ELOVL6: variants seen among roughly 807,000 people sequenced by gnomAD.
The protein encoded by ELOVL6 is ELOVL fatty acid elongase 6.
ELOVL6 carries 8 observed loss-of-function variants against 31.7 expected under a neutral mutation model. The observed-to-expected ratio is 0.25, with a 90% CI of 0.15 to 0.45. The LOEUF is 0.45. ELOVL6 is among the 20% of genes least tolerant of loss of function. ELOVL6 has a pLI of 1.00. For synonymous variants in ELOVL6, 101 were observed against 117.7 expected (o/e 0.86, Z 0.92); for missense variants, 126 against 326.4 (o/e 0.39, Z 4.73).
At chr4:110,078,553 A>G (rs1376746806) in intron 2 of ELOVL6, among the ~76,000 whole-genome samples, 3 of 152,228 alleles carry the variant, frequency 2.0e-5, no homozygotes, top group Admixed American at 6.5e-5. Context: ...AGATTTTGTC[A>G]CCATCAGGCC....
chr4:110,105,873 T>C (rs758862303), intron 1 of ELOVL6, among the ~76,000 whole-genome samples: 3 of 152,246 alleles, frequency 2.0e-5, no homozygotes, highest in Admixed American at 6.5e-5. Context: ...ATTTCCTTTG[T>C]AGGCTCTAGG....
intron 1 of ELOVL6, among the ~76,000 whole-genome samples, chr4:110,162,442 G>A (rs949903019): frequency 1.1e-4 from 16 of 152,142 alleles, no homozygotes; most frequent in African/African-American, 3.9e-4. Context: ...AGCTCTTCAG[G>A]CTCAGGTGAT....
intron 2 of ELOVL6, among the ~76,000 whole-genome samples, chr4:110,083,815 C>A (rs979087739): frequency 6.7e-6 from 1 of 149,676 alleles, no homozygotes; most frequent in Non-Finnish European, 1.5e-5. Flanking sequence ...GAGAAGCAGA[C>A]AAACATAGGA....
intron 2 of ELOVL6, among the ~76,000 whole-genome samples, chr4:110,071,891 T>A (rs1755494432): frequency 6.6e-6 from 1 of 152,200 alleles, no homozygotes; most frequent in Non-Finnish European, 1.5e-5. Context: ...TTCAGGAGGA[T>A]TTTCCAAAAG....
intron 1 of ELOVL6, among the ~76,000 whole-genome samples, chr4:110,192,323 C>T (rs368858771): frequency 5.3e-5 from 8 of 152,038 alleles, no homozygotes; most frequent in Admixed American, 2.0e-4. Flanking sequence ...TACAAATGCA[C>T]GCAGAAGGTT....
At chr4:110,143,989 G>T (rs574888238) in intron 1 of ELOVL6, among the ~76,000 whole-genome samples, 3 of 147,864 alleles carry the variant, frequency 2.0e-5, no homozygotes, top group Admixed American at 1.4e-4. Flanking sequence ...GGGAGGCGAA[G>T]GTTGTGGTGA....
At chr4:110,161,047 G>T (rs1758616281) in intron 1 of ELOVL6, among the ~76,000 whole-genome samples, 1 of 152,142 alleles carries the variant, frequency 6.6e-6, no homozygotes, top group Non-Finnish European at 1.5e-5. Flanking sequence ...CTCTTGTAAT[G>T]GTGGTAGAGA....
chr4:110,158,647 ATATATATATATT>A (rs1392071721), intron 1 of ELOVL6, among the ~76,000 whole-genome samples: 1 of 94,982 alleles, frequency 1.1e-5, no homozygotes, highest in African/African-American at 5.9e-5. Context: ...ATATATATAT[ATATATATATATT>A]TTTTTTTTTT....
At chr4:110,055,797 C>T (rs1459482983) in intron 3 of ELOVL6, among the ~76,000 whole-genome samples, 1 of 152,190 alleles carries the variant, frequency 6.6e-6, no homozygotes, top group East Asian at 1.9e-4. Flanking sequence ...AACAAAATCT[C>T]AGCGGGTTTT....
At chr4:110,084,526 A>G (rs1482046091) in intron 2 of ELOVL6, among the ~76,000 whole-genome samples, 2 of 99,642 alleles carry the variant, frequency 2.0e-5, no homozygotes, top group East Asian at 7.2e-4. Context: ...TACATTATAT[A>G]CACTTACACA....
intron 1 of ELOVL6, 147 bp downstream of exon 1, chr4:110,198,100 A>T (rs1321350777): frequency 1.7e-5 from 6 of 350,456 alleles, no homozygotes; most frequent in South Asian, 4.4e-5. Context: ...CGTCTCCTGC[A>T]CCCGGGAGAC....
intron 1 of ELOVL6, among the ~76,000 whole-genome samples, chr4:110,137,205 C>A (rs1025836679): frequency 3.3e-5 from 5 of 152,090 alleles, no homozygotes; most frequent in African/African-American, 1.2e-4. Context: ...TAGTTCCTTC[C>A]AGCATTAGAA....
At chr4:110,131,166 T>A (rs17539673) in intron 1 of ELOVL6, among the ~76,000 whole-genome samples, 27,417 of 152,180 alleles carry the variant, frequency 0.18, 2,956 homozygotes, top group South Asian at 0.3. Flanking sequence ...TCCCTGTTGC[T>A]TCACAGTATG....
intron 1 of ELOVL6, among the ~76,000 whole-genome samples, chr4:110,189,358 G>A (rs1759540367): frequency 6.6e-6 from 1 of 151,886 alleles, no homozygotes; most frequent in Non-Finnish European, 1.5e-5. Flanking sequence ...AGGCCGAGGT[G>A]GGCGGATCAC....
At chr4:110,128,924 G>C (rs1757588825) in intron 1 of ELOVL6, among the ~76,000 whole-genome samples, 1 of 152,172 alleles carries the variant, frequency 6.6e-6, no homozygotes, top group African/African-American at 2.4e-5. Flanking sequence ...AGAAAGGCTG[G>C]ACTGATGAGG....
chr4:110,098,699 C>T (rs954819085), intron 2 of ELOVL6, among the ~76,000 whole-genome samples: 3 of 152,042 alleles, frequency 2.0e-5, no homozygotes, highest in African/African-American at 7.2e-5. Context: ...TTTTACACTT[C>T]CAGGATTATT....
intron 2 of ELOVL6, among the ~76,000 whole-genome samples, chr4:110,060,282 T>C (rs1167960244): frequency 1.3e-5 from 2 of 152,166 alleles, no homozygotes; most frequent in Admixed American, 6.5e-5. Flanking sequence ...CCAAATCACT[T>C]TCTACTGTCT....
At chr4:110,145,260 T>C (rs1453123026) in intron 1 of ELOVL6, among the ~76,000 whole-genome samples, 2 of 152,118 alleles carry the variant, frequency 1.3e-5, no homozygotes, top group Admixed American at 6.5e-5. Context: ...AAACAAACCC[T>C]AGCCAGCCTT....
chr4:110,076,916 A>C (rs1434369358), intron 2 of ELOVL6, among the ~76,000 whole-genome samples: 1 of 152,230 alleles, frequency 6.6e-6, no homozygotes, highest in Non-Finnish European at 1.5e-5. Flanking sequence ...TGGTCTTAGC[A>C]AACGGCACAC....
Sources: allele counts gnomAD v4.1 joint callset (sites outside exome capture counted in the v4.1 genomes callset), GRCh38; gene constraint gnomAD v4.1.1; transcripts MANE v1.5; gene names NCBI Gene and HGNC (gene_info 2026-07-23, HGNC 2026-07-21).